Variants in CASZ1 observed in about 807,000 individuals in gnomAD.
CASZ1 encodes the protein zinc finger protein castor homolog 1.
CASZ1 carries 28 observed loss-of-function variants against 135.2 expected under a neutral mutation model. The ratio of observed to expected loss-of-function variants is 0.21; its 90% CI spans 0.15 to 0.28. CASZ1 has a LOEUF of 0.28. Ranked by LOEUF, CASZ1 falls within the 10% of genes least tolerant of loss-of-function variation. The pLI, the probability that CASZ1 is intolerant of heterozygous loss-of-function variation, is 1.00. For missense variants in CASZ1, 2,161 were observed against 2,453.3 expected (o/e 0.88, Z 2.52); for synonymous variants, 1,068 against 1,073.4 (o/e 0.99, Z 0.10).
In CASZ1 at chr1:10,666,349, C is replaced by T. The variant is rs1643233354; in HGVS notation, c.17-778G>A. Among the ~76,000 whole-genome samples, 1 of 152,170 alleles carries T rather than the reference C, an allele frequency of 6.6e-6. No homozygotes were observed. Among genetic ancestry groups the T allele is most frequent in the Non-Finnish European group, 1.5e-5 (1 of 68,028 alleles). On this transcript the variant is annotated intron_variant, in intron 4 of 20. Transcript: ENST00000377022. The surrounding 1 kb of genome is among the most constrained non-coding windows in gnomAD (Gnocchi z 5.2). The stretch of plus-strand genomic sequence containing the variant: ...CCAGCCCCCTCTTGGCCTCTCTGTC[C>T]ATTTCCTGTTGCCACTCCCTTCCCC...
chr1:10,654,549 T>A lies in CASZ1; in HGVS notation c.1708A>T (p.Thr570Ser), dbSNP rs1570420513. The A allele has an allele frequency of 6.2e-7, 1 of 1,614,102 alleles. No individual in the cohort carries two copies. Among genetic ancestry groups the A allele is most frequent in the South Asian group, 1.1e-5 (1 of 91,092 alleles). The change falls in exon 10 of 21, where the codon ACC becomes TCC. Residue 570 changes from threonine (T) to serine (S), a missense_variant. By Grantham distance (58) the Thr-to-Ser change is moderately conservative. Transcript: ENST00000377022. ...KVYTSTSDVM[T>S]HENFHKKNTQ... ...TTCTTCTTGTGGAAGTTCTCGTGGGTCATCACGTCAGACGTGCTCGTGTAC... is the reference window on the plus strand; with the variant it reads ...TTCTTCTTGTGGAAGTTCTCGTGGGACATCACGTCAGACGTGCTCGTGTAC...
chr1:10,647,549 A>C lies in CASZ1; in HGVS notation c.3497+252T>G. ...CCCACCTGGCCCTGGCAGGATCACC[A>C]CATGCCCTGCAGGAGCAGTAGCCAC... On this transcript the variant is annotated intron_variant, in intron 16 of 20. Transcript: ENST00000377022. This position sits in a 1 kb window ranked among gnomAD's most constrained non-coding sequence, Gnocchi z 4.9. The C allele has an allele frequency of 7.2e-7, 1 of 1,387,072 alleles. No individual in the cohort carries two copies. The highest frequency in any genetic ancestry group is 9.4e-7 in the Non-Finnish European group (1 of 1,069,182). The allele number at this position is 1,387,072 out of a possible 1,614,324, so 85.9% of individuals were successfully genotyped here.
chr1:10,677,489 T>C (rs1007886493), intron 4 of CASZ1, among the ~76,000 whole-genome samples: 1 of 152,114 alleles, frequency 6.6e-6, no homozygotes, highest in South Asian at 2.1e-4. Flanking sequence ...GTGTGGCAAG[T>C]GGCTCTGGCT....
Position 10,646,106 on chromosome 1 carries a change from C to T in CASZ1, c.3696+22G>A, listed in dbSNP as rs761352660. Reference sequence around the variant, plus strand: ...CTCCCTGCCCCCTACTCTGCCCCTGCGCCGTGTACCGCCATGCTGACCTGG... The same window carrying T: ...CTCCCTGCCCCCTACTCTGCCCCTGTGCCGTGTACCGCCATGCTGACCTGG... On this transcript the variant is annotated intron_variant, in intron 17 of 20. Transcript: ENST00000377022. The surrounding 1 kb of genome is among the most constrained non-coding windows in gnomAD (Gnocchi z 6.4). 4.9e-5 allele frequency: 79 copies of T among 1,612,078 alleles called. No individual in the cohort carries two copies. The highest frequency in any genetic ancestry group is 1.2e-4 in the African/African-American group (9 of 74,854).
In CASZ1 at chr1:10,647,464, G is replaced by C; in HGVS notation, c.3497+337C>G. ...AGGCCAATACGGAGGCTCGGAGGGAGACGCAGCCCTCCTTGTCAGGCTGGG... is the reference window on the plus strand; with the variant it reads ...AGGCCAATACGGAGGCTCGGAGGGACACGCAGCCCTCCTTGTCAGGCTGGG... On this transcript the variant is annotated intron_variant, in intron 16 of 20. Coordinates refer to ENST00000377022, the MANE Select transcript of CASZ1 (RefSeq NM_001079843.3). This position sits in a 1 kb window ranked among gnomAD's most constrained non-coding sequence, Gnocchi z 4.9. The C allele has an allele frequency of 8.2e-7, 1 of 1,219,208 alleles. No individual in the cohort carries two copies. The highest frequency in any genetic ancestry group is 1.0e-6 in the Non-Finnish European group (1 of 967,938). 75.5% of individuals were successfully genotyped at this position (1,219,208 alleles called of 1,614,324 possible). A position where few individuals can be genotyped will look rare whatever the true frequency, so the allele number is the denominator to read the frequency against.
At chr1:10,653,288 AC>A (rs750267732) in intron 11 of CASZ1, 88 bp downstream of exon 11, 25 of 1,298,298 alleles carry the variant, frequency 1.9e-5, no homozygotes, top group Non-Finnish European at 2.4e-5. Context: ...TCTTCCAAAC[AC>A]CCCCCGACTC....
chr1:10,778,176 A>G (rs1442462114), intron 1 of CASZ1, among the ~76,000 whole-genome samples: 1 of 151,246 alleles, frequency 6.6e-6, no homozygotes, highest in Non-Finnish European at 1.5e-5. Context: ...CTATCTCACA[A>G]TCTCGCACAC....
At chr1:10,760,165 C>A (rs1165400661) in intron 2 of CASZ1, among the ~76,000 whole-genome samples, 2 of 152,202 alleles carry the variant, frequency 1.3e-5, no homozygotes, top group African/African-American at 4.8e-5. Flanking sequence ...GCCGGAGGAC[C>A]ACTGAAGAGA....
intron 14 of CASZ1, 22 bp from the exon 15 acceptor site, chr1:10,649,214 AGAG>A: frequency 6.2e-7 from 1 of 1,612,226 alleles, no homozygotes; most frequent in Non-Finnish European, 8.5e-7. Context: ...AGCTGGCGTT[AGAG>A]GAGAGCCTGG....
At chr1:10,692,313 C>T (rs1168041366) in intron 4 of CASZ1, among the ~76,000 whole-genome samples, 1 of 152,258 alleles carries the variant, frequency 6.6e-6, no homozygotes, top group Non-Finnish European at 1.5e-5. Context: ...TGCTGGCCCA[C>T]AAGCAGAGGC....
intron 20 of CASZ1, 148 bp from the exon 21 acceptor site, chr1:10,640,207 TC>T (rs1642155007): frequency 2.6e-6 from 3 of 1,143,136 alleles, no homozygotes; most frequent in Non-Finnish European, 3.6e-6. Context: ...GGGAGGCCTC[TC>T]CTGCCCCGCC....
chr1:10,670,204 C>T (rs78355261), intron 4 of CASZ1, among the ~76,000 whole-genome samples: 5,908 of 152,308 alleles, frequency 0.039, 148 homozygotes, highest in South Asian at 0.1. Context: ...CTGAGCACCT[C>T]GTCTGTGCTG....
intron 20 of CASZ1, 37 bp downstream of exon 20, chr1:10,642,822 G>A (rs2124667941): frequency 6.2e-7 from 1 of 1,604,994 alleles, no homozygotes; most frequent in Non-Finnish European, 8.5e-7. Context: ...TTGGGAGTGG[G>A]GCCTGGCCCT....
At chr1:10,658,699 A>T in intron 6 of CASZ1, 123 bp from the exon 7 acceptor site, 2 of 835,414 alleles carry the variant, frequency 2.4e-6, no homozygotes, top group Non-Finnish European at 4.0e-6. Flanking sequence ...GCAGTGTCCG[A>T]GGCACCCACG....
intron 6 of CASZ1, among the ~76,000 whole-genome samples, chr1:10,659,282 A>G (rs1196248607): frequency 6.6e-6 from 1 of 152,120 alleles, no homozygotes; most frequent in Non-Finnish European, 1.5e-5. Context: ...TTCAGCACCC[A>G]TGGCAGCAGG....
intron 4 of CASZ1, among the ~76,000 whole-genome samples, chr1:10,691,892 G>T (rs958014123): frequency 2.6e-5 from 4 of 152,240 alleles, no homozygotes; most frequent in African/African-American, 9.6e-5. Flanking sequence ...GAAACAGTCA[G>T]AACTCTGCCA....
intron 5 of CASZ1, chr1:10,660,936 C>T (rs1643002688): frequency 9.1e-6 from 2 of 218,886 alleles, no homozygotes; most frequent in South Asian, 6.6e-5. Flanking sequence ...CGGCAAGAAC[C>T]GGGGACAGGT....
intron 2 of CASZ1, among the ~76,000 whole-genome samples, chr1:10,730,781 C>A (rs2100507611): frequency 6.6e-6 from 1 of 152,276 alleles, no homozygotes; most frequent in South Asian, 2.1e-4. Context: ...TCTGATGAGA[C>A]CAGTAATGAT....
At chr1:10,781,087 G>A (rs1244256425) in intron 1 of CASZ1, among the ~76,000 whole-genome samples, 2 of 151,982 alleles carry the variant, frequency 1.3e-5, no homozygotes, top group African/African-American at 4.8e-5. Context: ...TCCCCTACTC[G>A]CCCCACCCCA....
Sources: gnomAD v4.1 joint callset for allele counts (sites outside exome capture counted in the v4.1 genomes callset) on GRCh38, gnomAD v4.1.1 for gene constraint, Gnocchi (gnomAD v3.1) non-coding constraint, MANE v1.5 for transcripts, NCBI Gene and HGNC (gene_info 2026-07-23, HGNC 2026-07-21) for gene names.